Variants in DOCK1 observed in about 807,000 individuals in gnomAD.
DOCK1 encodes dedicator of cytokinesis protein 1.
A neutral mutation model predicts 262.7 loss-of-function variants in DOCK1; 138 were observed. The observed-to-expected ratio is 0.53, with a 90% confidence interval of 0.46 to 0.61. DOCK1 has a LOEUF of 0.61. Ranked by LOEUF, DOCK1 falls within the 20% of genes least tolerant of loss-of-function variation. DOCK1 has a pLI of 0.00. For synonymous variants in DOCK1, 866 were observed against 867.4 expected (o/e 1.00, Z 0.03); for missense variants, 1,908 against 2,370.7 (o/e 0.80, Z 4.05).
chr10:127,381,227 A>G, intron 36 of DOCK1, 51 bp from the exon 37 acceptor site: 1 of 1,520,952 alleles, frequency 6.6e-7, no homozygotes, highest in African/African-American at 1.4e-5. Flanking sequence ...AATCCTCAAC[A>G]CAAATTATTT....
intron 29 of DOCK1, among the ~76,000 whole-genome samples, chr10:127,280,622 A>T (rs1390418624): frequency 6.6e-6 from 1 of 152,220 alleles, no homozygotes; most frequent in African/African-American, 2.4e-5. Flanking sequence ...GCACTTTAAC[A>T]TCAGAGAATT....
intron 1 of DOCK1, among the ~76,000 whole-genome samples, chr10:126,963,633 C>CCCCTCCTTCCTTCCTT (rs2037427221): frequency 2.0e-4 from 13 of 65,864 alleles, no homozygotes; most frequent in Middle Eastern, 8.5e-3. Flanking sequence ...CCCTTCCCTT[C>CCCCTCCTTCCTTCCTT]CCTTCCCTCC....
At position 126,905,544 on chromosome 10, in the gene DOCK1, C is replaced by T. The variant is rs774144988; in HGVS notation, c.27C>T (p.Arg9=). The T allele has an allele frequency of 6.0e-6, 3 of 501,010 alleles. No individual in the cohort carries two copies. In the African/African-American group the frequency reaches 6.1e-5, roughly 10 times the overall value. The allele number at this position is 501,010 out of a possible 1,614,324, so 31.0% of individuals were successfully genotyped here. ...TGACGCGCTGGGTGCCCACCAAGCG[C>T]GAGGAGAAGTACGGCGTGGGTGAGC... MTRWVPTK[R]EEKYGVAFYN... The change falls in exon 1 of 52, where the codon CGC becomes CGT. Residue 9 remains arginine, a synonymous_variant. Transcript: ENST00000623213.
At chr10:127,264,810 A>G (rs748581803) in intron 29 of DOCK1, among the ~76,000 whole-genome samples, 2 of 152,024 alleles carry the variant, frequency 1.3e-5, no homozygotes, top group Non-Finnish European at 2.9e-5. Flanking sequence ...ACCGACACAT[A>G]CCACCGTGCC....
chr10:127,405,327 T>A (rs1007840786), intron 40 of DOCK1, among the ~76,000 whole-genome samples: 1 of 152,176 alleles, frequency 6.6e-6, no homozygotes, highest in Non-Finnish European at 1.5e-5. Context: ...AGAAGTTACA[T>A]AAATATTAAT....
At chr10:127,141,268 C>T (rs141033634) in intron 27 of DOCK1, among the ~76,000 whole-genome samples, 1 of 152,320 alleles carries the variant, frequency 6.6e-6, no homozygotes, top group African/African-American at 2.4e-5. Context: ...TTCCTAAATG[C>T]ATCTTCTCGA....
At chr10:127,433,706 A>G (rs2069460446) in intron 48 of DOCK1, among the ~76,000 whole-genome samples, 2 of 152,170 alleles carry the variant, frequency 1.3e-5, no homozygotes, top group African/African-American at 4.8e-5. Flanking sequence ...AGTCCTCTTC[A>G]GCATGGCTTA....
At chr10:127,245,322 T>C (rs913561420) in intron 27 of DOCK1, among the ~76,000 whole-genome samples, 1 of 152,234 alleles carries the variant, frequency 6.6e-6, no homozygotes, top group Non-Finnish European at 1.5e-5. Context: ...GACTGAACGA[T>C]GCACATGACT....
In DOCK1 at chr10:127,024,921, A is replaced by G. The variant is rs1480655568; in HGVS notation, c.1551+138A>G. 3.1e-5 allele frequency: 20 copies of G among 652,562 alleles called. 1 individual carries two copies. In the East Asian group the frequency reaches 3.9e-4, roughly 13 times the overall value. 40.4% of individuals were successfully genotyped at this position (652,562 alleles called of 1,614,324 possible). ...GAGTGTCTCCCAACAAAGTCATTCAAGGTTGCTAAGGAACCACACTGGTGT... is the reference window on the plus strand; with the variant it reads ...GAGTGTCTCCCAACAAAGTCATTCAGGGTTGCTAAGGAACCACACTGGTGT... On this transcript the variant is annotated intron_variant, in intron 15 of 51. Transcript: ENST00000623213.
chr10:126,973,578 G>A (rs930138445), intron 2 of DOCK1, among the ~76,000 whole-genome samples: 15 of 152,100 alleles, frequency 9.9e-5, no homozygotes, highest in African/African-American at 3.6e-4. Context: ...AAATATTTCA[G>A]TCTTTGTAAA....
chr10:127,391,535 T>A (rs72842966), intron 38 of DOCK1, among the ~76,000 whole-genome samples: 8,509 of 152,238 alleles, frequency 0.056, 335 homozygotes, highest in Middle Eastern at 0.092. Context: ...CCCATTATAA[T>A]CTCATTTTTC....
At chr10:127,295,459 G>T (rs377444669) in intron 29 of DOCK1, among the ~76,000 whole-genome samples, 1 of 152,102 alleles carries the variant, frequency 6.6e-6, no homozygotes, top group East Asian at 1.9e-4. Context: ...AGCATTGGGG[G>T]TCACATTTCA....
At chr10:127,308,977 G>T (rs1284013929) in intron 29 of DOCK1, among the ~76,000 whole-genome samples, 1 of 152,142 alleles carries the variant, frequency 6.6e-6, no homozygotes, top group Non-Finnish European at 1.5e-5. Flanking sequence ...GGGTCAAATG[G>T]TATTTCTGGT....
At chr10:127,141,560 G>T (rs1268309803) in intron 27 of DOCK1, among the ~76,000 whole-genome samples, 1 of 152,132 alleles carries the variant, frequency 6.6e-6, no homozygotes, top group Non-Finnish European at 1.5e-5. Context: ...AAGTTTAGCT[G>T]GGTGTGATGG....
intron 27 of DOCK1, chr10:127,195,983 G>A (rs1038993521): frequency 6.6e-6 from 1 of 152,040 alleles, no homozygotes; most frequent in South Asian, 2.1e-4. Context: ...GAGGGCACGC[G>A]GGGCTCCGCT....
chr10:126,979,010 G>C (rs1303196672), intron 3 of DOCK1, among the ~76,000 whole-genome samples: 1 of 152,286 alleles, frequency 6.6e-6, no homozygotes, highest in Admixed American at 6.5e-5. Flanking sequence ...TGTCTAATGT[G>C]AGAGACAGTG....
At chr10:127,373,681 A>C (rs937428094) in intron 33 of DOCK1, 100 bp from the exon 34 acceptor site, 2 of 1,092,188 alleles carry the variant, frequency 1.8e-6, no homozygotes, top group East Asian at 5.2e-5. Flanking sequence ...GTAGCCATCT[A>C]TGATGATCTC....
At chr10:126,999,570 T>A in intron 9 of DOCK1, 135 bp downstream of exon 9, 1 of 657,236 alleles carries the variant, frequency 1.5e-6, no homozygotes, top group South Asian at 2.0e-5. Flanking sequence ...TTAGTATTAC[T>A]AAGTAGAGCG....
chr10:127,025,904 A>G, intron 15 of DOCK1: 1 of 189,946 alleles, frequency 5.3e-6, no homozygotes, highest in South Asian at 1.0e-4. Context: ...TAAATACACA[A>G]AATTAGCTGG....
Sources: allele counts gnomAD v4.1 joint callset (sites outside exome capture counted in the v4.1 genomes callset), GRCh38; gene constraint gnomAD v4.1.1; transcripts MANE v1.5; gene names NCBI Gene and HGNC (gene_info 2026-07-23, HGNC 2026-07-21).